Variants in GALNT14 observed in about 807,000 individuals in gnomAD.
The protein encoded by GALNT14 is polypeptide N-acetylgalactosaminyltransferase 14.
Under a neutral mutation model 77.5 loss-of-function variants are expected in GALNT14, and 60 were observed. The observed-to-expected ratio is 0.77, with a 90% CI of 0.63 to 0.96. The LOEUF (loss-of-function observed/expected upper bound fraction) is 0.96, where lower values mean the gene tolerates loss of function less well. Ranked by LOEUF, GALNT14 falls within the 40% of genes least tolerant of loss-of-function variation. The pLI is 0.00. For missense variants in GALNT14, 710 were observed against 731.0 expected (o/e 0.97, Z 0.33); for synonymous variants, 280 against 281.7 (o/e 0.99, Z 0.06).
At chr2:30,901,495 TAATA>T in the GALNT14 span, among the ~76,000 whole-genome samples, 2,401 of 145,496 alleles carry the variant, frequency 0.017, 66 homozygotes, top group African/African-American at 0.055. Context: ...AACATATATA[TAATA>T]AATATATTCA....
At chr2:31,025,272 C>A (rs72791283) in intron 1 of GALNT14, among the ~76,000 whole-genome samples, 1 of 152,090 alleles carries the variant, frequency 6.6e-6, no homozygotes, top group African/African-American at 2.4e-5. Context: ...AGGCCTCGAT[C>A]CCATTGCAAG....
intron 2 of GALNT14, among the ~76,000 whole-genome samples, chr2:30,967,885 T>C (rs575496173): frequency 4.6e-5 from 7 of 152,304 alleles, no homozygotes; most frequent in African/African-American, 1.4e-4. Context: ...AAAATCAGTC[T>C]TGTATGCTGC....
At chr2:30,935,840 C>T (rs1356426387) in intron 9 of GALNT14, among the ~76,000 whole-genome samples, 1 of 152,132 alleles carries the variant, frequency 6.6e-6, no homozygotes, top group Non-Finnish European at 1.5e-5. Flanking sequence ...CAAGTGCTAT[C>T]AGAAGTGCTG....
Position 30,947,691 on chromosome 2 carries a change from G to A in GALNT14, c.655-1821C>T, listed in dbSNP as rs536229072. Among the ~76,000 whole-genome samples, 14 of 152,286 alleles carry A rather than the reference G, an allele frequency of 9.2e-5. 1 individual carries two copies. In the East Asian group the frequency reaches 2.7e-3, roughly 29 times the overall value. ...CACCAACCACCCTTTGGCCAGCACAGGCAGGAACCTCTGTTTCTCCTTGAA... is the reference window on the plus strand; with the variant it reads ...CACCAACCACCCTTTGGCCAGCACAAGCAGGAACCTCTGTTTCTCCTTGAA... On this transcript the variant is annotated intron_variant, in intron 6 of 14. Coordinates refer to ENST00000349752, the MANE Select transcript of GALNT14 (RefSeq NM_024572.4).
rs146308311 is a variant in GALNT14, at chr2:31,049,870, C to T, written c.130-56863G>A. On this transcript the variant is annotated intron_variant, in intron 1 of 14. Transcript: ENST00000349752. ...AACAATTTACAGCAGCCTTTATGTG[C>T]CTTGGTTTAAATAATAAACATTTTT... Among the ~76,000 whole-genome samples the T allele has an allele frequency of 1.3e-4, 20 of 152,240 alleles. No homozygotes were observed. In the East Asian group the frequency reaches 3.9e-3, roughly 29 times the overall value.
chr2:31,075,828 C>G (rs76460100), intron 1 of GALNT14, among the ~76,000 whole-genome samples: 1 of 152,206 alleles, frequency 6.6e-6, no homozygotes, highest in African/African-American at 2.4e-5. Context: ...CTGGGCTTTG[C>G]GACTCTGGGA....
intron 13 of GALNT14, among the ~76,000 whole-genome samples, chr2:30,923,856 C>T (rs1162306745): frequency 6.6e-6 from 1 of 152,230 alleles, no homozygotes; most frequent in African/African-American, 2.4e-5. Context: ...ACTCATTAAG[C>T]TCCTGCTAAC....
At chr2:30,916,601 T>C (rs563736293) in intron 13 of GALNT14, among the ~76,000 whole-genome samples, 1 of 152,152 alleles carries the variant, frequency 6.6e-6, no homozygotes, top group Admixed American at 6.5e-5. Context: ...GGAGGACACG[T>C]CTGGAGATGG....
intron 1 of GALNT14, among the ~76,000 whole-genome samples, chr2:31,048,515 G>A (rs1242505878): frequency 1.3e-5 from 2 of 152,150 alleles, no homozygotes. Context: ...GGAAGCTAAA[G>A]TGCTGAATGG....
At chr2:31,100,351 T>A (rs1490042210) in intron 1 of GALNT14, among the ~76,000 whole-genome samples, 1 of 152,122 alleles carries the variant, frequency 6.6e-6, no homozygotes. Flanking sequence ...TGTTGAGGAC[T>A]TACTGTATTC....
intron 1 of GALNT14, among the ~76,000 whole-genome samples, chr2:31,074,750 T>C (rs1169350537): frequency 6.6e-6 from 1 of 152,198 alleles, no homozygotes; most frequent in African/African-American, 2.4e-5. Flanking sequence ...AATTGTCATA[T>C]TATCACTTCT....
chr2:31,128,200 A>T (rs1474932480), intron 1 of GALNT14, among the ~76,000 whole-genome samples: 1 of 152,112 alleles, frequency 6.6e-6, no homozygotes. Context: ...CTCCACAAAG[A>T]GTCTGGTCCC....
At chr2:31,021,542 G>A (rs1280582716) in intron 1 of GALNT14, among the ~76,000 whole-genome samples, 1 of 152,058 alleles carries the variant, frequency 6.6e-6, no homozygotes, top group Non-Finnish European at 1.5e-5. Flanking sequence ...CTGATCCCAG[G>A]TGATCCACCC....
rs1668454263 is a variant in GALNT14 at position 30,973,031 on chromosome 2, TC to T, written c.300-6730del. 2.0e-5 allele frequency among the ~76,000 whole-genome samples: 3 copies of T among 152,328 alleles called. No individual in the cohort carries two copies. The East Asian group carries it at 5.8e-4, about 29-fold the overall frequency. ...AGGATTTCCTTCCAAGTCCTGCACT[TC>T]CAGCACACATTGCAGAGGCCAGAGC... On this transcript the variant is annotated intron_variant, in intron 2 of 14. Transcript: ENST00000349752.
At chr2:31,076,428 T>C (rs1030435021) in intron 1 of GALNT14, among the ~76,000 whole-genome samples, 2 of 152,106 alleles carry the variant, frequency 1.3e-5, no homozygotes, top group Non-Finnish European at 2.9e-5. Flanking sequence ...ACCCCCGCTC[T>C]GAGACCACCA....
intron 2 of GALNT14, among the ~76,000 whole-genome samples, chr2:30,987,669 A>T (rs544914451): frequency 6.6e-6 from 1 of 152,052 alleles, no homozygotes; most frequent in Non-Finnish European, 1.5e-5. Flanking sequence ...CAATCAGCAC[A>T]GCTGCCTGCT....
chr2:31,084,316 A>AG (rs1291877359), intron 1 of GALNT14, among the ~76,000 whole-genome samples: 2 of 152,216 alleles, frequency 1.3e-5, no homozygotes, highest in Non-Finnish European at 2.9e-5. Flanking sequence ...TGAAGCTCAA[A>AG]GAGGTAATGC....
intron 1 of GALNT14, chr2:31,078,885 G>T: frequency 7.8e-7 from 1 of 1,286,986 alleles, no homozygotes; most frequent in Non-Finnish European, 1.0e-6. Context: ...GGCAAAGCAG[G>T]GTTTGGGGAC....
chr2:30,958,255 C>A (rs531618308), intron 4 of GALNT14, 142 bp downstream of exon 4: 1 of 610,142 alleles, frequency 1.6e-6, no homozygotes, highest in Non-Finnish European at 2.9e-6. Context: ...AGCCTAGCCA[C>A]GGACGCTCAA....
Sources: gnomAD v4.1 joint callset for allele counts (sites outside exome capture counted in the v4.1 genomes callset) on GRCh38, gnomAD v4.1.1 for gene constraint, MANE v1.5 for transcripts, NCBI Gene and HGNC (gene_info 2026-07-23, HGNC 2026-07-21) for gene names.